WDPCP: variants seen among roughly 807,000 people sequenced by gnomAD.
The protein encoded by WDPCP is WD repeat-containing and planar cell polarity effector protein fritz homolog.
WDPCP carries 71 observed loss-of-function variants against 93.1 expected under a neutral mutation model. That is an observed-to-expected ratio of 0.76 (90% CI 0.63 to 0.93). The LOEUF is 0.93. Among genes scored for constraint, WDPCP ranks in the 40% least tolerant of loss-of-function variants. The probability of loss-of-function intolerance (pLI) is 0.00; values close to 1 mark genes in which losing one functional copy is unlikely to be tolerated. For missense variants in WDPCP, 844 were observed against 887.4 expected, an observed-to-expected ratio of 0.95 and a Z score of 0.62; for synonymous variants, 315 against 315.0, an observed-to-expected ratio of 1.00 and a Z score of 0.00.
At chr2:63,504,167 C>T (rs1250942374) in intron 1 of WDPCP, among the ~76,000 whole-genome samples, 1 of 152,062 alleles carries the variant, frequency 6.6e-6, no homozygotes, top group Admixed American at 6.6e-5. Context: ...ACCTGAAAAC[C>T]TTTTTTCTAT....
At chr2:63,304,147 A>G (rs1685545723) in intron 13 of WDPCP, among the ~76,000 whole-genome samples, 1 of 152,174 alleles carries the variant, frequency 6.6e-6, no homozygotes, top group Non-Finnish European at 1.5e-5. Flanking sequence ...CATCTACCCA[A>G]AGGAAAATAA....
At chr2:63,659,578 A>C (rs262510) in intron 2 of WDPCP, among the ~76,000 whole-genome samples, 121,960 of 152,072 alleles carry the variant, frequency 0.8, 49,328 homozygotes, top group East Asian at 0.98. Flanking sequence ...AGGCCTATAC[A>C]CACTAGAAGC....
chr2:63,660,678 T>C (rs1710216630), intron 2 of WDPCP, among the ~76,000 whole-genome samples: 1 of 152,194 alleles, frequency 6.6e-6, no homozygotes, highest in Non-Finnish European at 1.5e-5. Context: ...CAAAATGAGA[T>C]ATCAAATTCT....
At chr2:63,694,205 A>G (rs942534026) in intron 2 of WDPCP, among the ~76,000 whole-genome samples, 10 of 152,208 alleles carry the variant, frequency 6.6e-5, no homozygotes, top group African/African-American at 2.4e-4. Context: ...TATTGTCTGA[A>G]GTCATTTAGA....
intron 2 of WDPCP, among the ~76,000 whole-genome samples, chr2:63,672,065 A>T (rs1449559033): frequency 6.6e-6 from 1 of 152,204 alleles, no homozygotes; most frequent in Non-Finnish European, 1.5e-5. Flanking sequence ...TGTGGCATTA[A>T]CATGTATGAT....
chr2:63,284,950 A>C (rs558381582), intron 13 of WDPCP, among the ~76,000 whole-genome samples: 1 of 152,346 alleles, frequency 6.6e-6, no homozygotes, highest in Non-Finnish European at 1.5e-5. Context: ...AAAATGAAGT[A>C]TAGCTAATAA....
intron 12 of WDPCP, among the ~76,000 whole-genome samples, chr2:63,335,021 A>T (rs1021511583): frequency 3.9e-5 from 6 of 152,176 alleles, no homozygotes; most frequent in Admixed American, 3.9e-4. Flanking sequence ...ACTGAGTGAG[A>T]CAAATGCATA....
chr2:63,141,324 G>A (rs561788162), intron 17 of WDPCP, among the ~76,000 whole-genome samples: 3 of 152,216 alleles, frequency 2.0e-5, no homozygotes, highest in African/African-American at 4.8e-5. Flanking sequence ...TGATCCACCC[G>A]CCTCAGCCCC....
intron 17 of WDPCP, among the ~76,000 whole-genome samples, chr2:63,124,925 C>G (rs1223263257): frequency 6.6e-6 from 1 of 151,904 alleles, no homozygotes; most frequent in African/African-American, 2.4e-5. Flanking sequence ...GTTCCACAGG[C>G]TGCTTTATGA....
intron 2 of WDPCP, among the ~76,000 whole-genome samples, chr2:63,727,057 A>C (rs1669505278): frequency 6.6e-6 from 1 of 152,068 alleles, no homozygotes. Flanking sequence ...TGATTGCTCT[A>C]GCTAACACTT....
chr2:63,343,108 C>T (rs1267983010), intron 12 of WDPCP, among the ~76,000 whole-genome samples: 1 of 152,104 alleles, frequency 6.6e-6, no homozygotes, highest in African/African-American at 2.4e-5. Flanking sequence ...AGGTTCGATT[C>T]TCCTGCCTCA....
intron 17 of WDPCP, among the ~76,000 whole-genome samples, chr2:63,127,576 T>A (rs1669999866): frequency 6.6e-6 from 1 of 151,160 alleles, no homozygotes; most frequent in Admixed American, 6.6e-5. Flanking sequence ...ATTGCTACTT[T>A]ATCATTTTTA....
chr2:63,316,832 T>C (rs1686681469), intron 12 of WDPCP, among the ~76,000 whole-genome samples: 1 of 152,158 alleles, frequency 6.6e-6, no homozygotes, highest in South Asian at 2.1e-4. Flanking sequence ...CTAGATCTGA[T>C]ACACAGCTTT....
intron 2 of WDPCP, among the ~76,000 whole-genome samples, chr2:63,705,575 C>G (rs1669136867): frequency 6.6e-6 from 1 of 152,152 alleles, no homozygotes; most frequent in African/African-American, 2.4e-5. Flanking sequence ...CATTCAGGAG[C>G]AGGTTGTTCA....
chr2:63,745,099 T>G (rs1669775812), intron 2 of WDPCP, among the ~76,000 whole-genome samples: 1 of 152,154 alleles, frequency 6.6e-6, no homozygotes, highest in Non-Finnish European at 1.5e-5. Context: ...TATCCATATA[T>G]CAATACAAGG....
intron 2 of WDPCP, among the ~76,000 whole-genome samples, chr2:63,488,043 C>T (rs890164491): frequency 6.6e-6 from 1 of 151,950 alleles, no homozygotes; most frequent in African/African-American, 2.4e-5. Context: ...CCTTCTAAAC[C>T]TAAATTCGGA....
chr2:63,795,358 G>A (rs1254382513), intron 2 of WDPCP, among the ~76,000 whole-genome samples: 2 of 151,906 alleles, frequency 1.3e-5, no homozygotes, highest in Admixed American at 6.6e-5. Context: ...CTAGTATTAG[G>A]GAAAATGGTA....
At chr2:63,526,969 AAC>A (rs1310695320) in intron 1 of WDPCP, among the ~76,000 whole-genome samples, 1 of 152,232 alleles carries the variant, frequency 6.6e-6, no homozygotes, top group Non-Finnish European at 1.5e-5. Flanking sequence ...TAGGGAAAAG[AAC>A]ACACAGCCAA....
intron 12 of WDPCP, among the ~76,000 whole-genome samples, chr2:63,334,604 G>A (rs187371560): frequency 6.6e-6 from 1 of 152,254 alleles, no homozygotes; most frequent in East Asian, 1.9e-4. Context: ...TGAGTAGTAG[G>A]AGGCTGGTTT....
Sources: gnomAD v4.1 joint callset for allele counts (sites outside exome capture counted in the v4.1 genomes callset) on GRCh38, gnomAD v4.1.1 for gene constraint, MANE v1.5 for transcripts, NCBI Gene and HGNC (gene_info 2026-07-23, HGNC 2026-07-21) for gene names.